Variants in COL6A5 observed in about 807,000 individuals in gnomAD.
COL6A5 encodes the protein collagen type VI alpha 5 chain.
A neutral mutation model predicts 65.6 loss-of-function variants in COL6A5; 48 were observed. That is an observed-to-expected ratio of 0.73 (90% CI 0.58 to 0.93). COL6A5 has a LOEUF of 0.93. COL6A5 is among the 40% of genes least tolerant of loss of function. The pLI, the probability that COL6A5 is intolerant of heterozygous loss-of-function variation, is 0.00. For synonymous variants in COL6A5, 291 were observed against 322.8 expected (o/e 0.90, Z 1.05); for missense variants, 914 against 928.3 (o/e 0.98, Z 0.20).
intron 7 of COL6A5, among the ~76,000 whole-genome samples, chr3:130,392,913 C>T (rs1297039381): frequency 1.3e-5 from 2 of 152,132 alleles, no homozygotes; most frequent in South Asian, 2.1e-4. Flanking sequence ...GGCAGCAGGA[C>T]CACCCCAGTT....
intron 4 of COL6A5, among the ~76,000 whole-genome samples, chr3:130,453,053 T>A (rs1487265588): frequency 6.6e-6 from 1 of 152,168 alleles, no homozygotes; most frequent in African/African-American, 2.4e-5. Flanking sequence ...TTTTTCAAGG[T>A]GCCCAGATTT....
At chr3:130,410,127 T>C (rs1937127527) in intron 19 of COL6A5, 53 bp downstream of exon 19, 1 of 1,287,892 alleles carries the variant, frequency 7.8e-7, no homozygotes, top group South Asian at 1.3e-5. Context: ...TTGATCCAAG[T>C]AAATTTAGTA....
At chr3:130,365,917 C>T (rs912734460) in intron 1 of COL6A5, among the ~76,000 whole-genome samples, 1 of 152,166 alleles carries the variant, frequency 6.6e-6, no homozygotes, top group Non-Finnish European at 1.5e-5. Context: ...AATCACCAGC[C>T]CACAGCCTGT....
chr3:130,442,041 C>T (rs1709194968), intron 3 of COL6A5, among the ~76,000 whole-genome samples: 1 of 152,158 alleles, frequency 6.6e-6, no homozygotes, highest in South Asian at 2.1e-4. Context: ...AGAGCTCCAC[C>T]TTTCTCCTGT....
At chr3:130,417,612 T>C (rs934905507) in intron 24 of COL6A5, among the ~76,000 whole-genome samples, 2 of 152,152 alleles carry the variant, frequency 1.3e-5, no homozygotes, top group Non-Finnish European at 1.5e-5. Flanking sequence ...TTGGTGCATG[T>C]GGTTCTCGAA....
intron 7 of COL6A5, chr3:130,471,723 A>G: frequency 1.3e-6 from 2 of 1,534,478 alleles, no homozygotes; most frequent in Non-Finnish European, 1.7e-6. Context: ...GAAAATGGTG[A>G]TCTGTTTGAT....
At chr3:130,400,002 A>G (rs760194798) in intron 10 of COL6A5, among the ~76,000 whole-genome samples, 1 of 151,880 alleles carries the variant, frequency 6.6e-6, no homozygotes, top group Non-Finnish European at 1.5e-5. Flanking sequence ...ACCTCAGGTG[A>G]TCCGCCCACC....
exon 22 of COL6A5, chr3:130,414,129 C>T (rs746024647): frequency 1.3e-6 from 2 of 1,548,602 alleles, no homozygotes; most frequent in Non-Finnish European, 1.7e-6. Context: ...ACAAGGCCCA[C>T]AGGTGTGTTG....
chr3:130,369,567 G>T (rs539144645), intron 1 of COL6A5, among the ~76,000 whole-genome samples: 1 of 152,230 alleles, frequency 6.6e-6, no homozygotes, highest in African/African-American at 2.4e-5. Flanking sequence ...AACACCTCAT[G>T]CCATAGGTTA....
At chr3:130,401,974 T>C (rs1936833186) in intron 12 of COL6A5, 120 bp downstream of exon 12, 4 of 680,932 alleles carry the variant, frequency 5.9e-6, no homozygotes, top group Non-Finnish European at 9.9e-6. Context: ...CTTTGGACAT[T>C]TCATGTGACT....
intron 1 of COL6A5, among the ~76,000 whole-genome samples, chr3:130,364,335 A>G (rs1381556578): frequency 6.6e-6 from 1 of 152,184 alleles, no homozygotes; most frequent in Non-Finnish European, 1.5e-5. Context: ...CCCCTAACCT[A>G]CTATATCCTT....
chr3:130,401,161 A>G (rs1936802745), exon 11 of COL6A5: 2 of 1,544,854 alleles, frequency 1.3e-6, no homozygotes, highest in Non-Finnish European at 1.7e-6. Flanking sequence ...GCAAAAAACT[A>G]TCACAGTACC....
intron 11 of COL6A5, 49 bp downstream of exon 11, chr3:130,401,222 A>G: frequency 6.8e-7 from 1 of 1,474,180 alleles, no homozygotes; most frequent in South Asian, 1.4e-5. Context: ...CATGGGAACT[A>G]AATTGGAATC....
exon 9 of COL6A5, chr3:130,397,666 GAA>G: frequency 6.5e-7 from 1 of 1,549,584 alleles, no homozygotes; most frequent in South Asian, 1.2e-5. Flanking sequence ...CCCCCAGCTG[GAA>G]TCCTACCTCC....
chr3:130,384,594 T>C (rs1458450173), intron 4 of COL6A5, among the ~76,000 whole-genome samples: 1 of 152,108 alleles, frequency 6.6e-6, no homozygotes, highest in Non-Finnish European at 1.5e-5. Flanking sequence ...GACAAACCAC[T>C]ACATTTTGCC....
chr3:130,348,752 G>A (rs1934594288), intron 1 of COL6A5, among the ~76,000 whole-genome samples: 1 of 152,206 alleles, frequency 6.6e-6, no homozygotes, highest in Non-Finnish European at 1.5e-5. Flanking sequence ...GTGTAAAAGT[G>A]TTCCTATTTC....
At chr3:130,452,038 C>T (rs374982625) in intron 4 of COL6A5, among the ~76,000 whole-genome samples, 1 of 152,162 alleles carries the variant, frequency 6.6e-6, no homozygotes, top group East Asian at 1.9e-4. Context: ...TGTTCTTCTA[C>T]TGCCCTGAAT....
chr3:130,395,492 C>G, intron 8 of COL6A5, 27 bp downstream of exon 8: 1 of 1,487,696 alleles, frequency 6.7e-7, no homozygotes, highest in African/African-American at 1.4e-5. Context: ...TGGTTTTCTT[C>G]CATGGAAACT....
intron 6 of COL6A5, among the ~76,000 whole-genome samples, chr3:130,389,524 T>C (rs1350290312): frequency 2.6e-5 from 4 of 151,790 alleles, no homozygotes; most frequent in Non-Finnish European, 4.4e-5. Flanking sequence ...TACAAATTCG[T>C]CTTTCTTTTA....
Sources: gnomAD v4.1 joint callset for allele counts (sites outside exome capture counted in the v4.1 genomes callset) on GRCh38, gnomAD v4.1.1 for gene constraint, MANE v1.5 for transcripts, NCBI Gene and HGNC (gene_info 2026-07-23, HGNC 2026-07-21) for gene names.